Variants in JAZF1 observed in about 807,000 individuals in gnomAD.
JAZF1 encodes the protein juxtaposed with another zinc finger protein 1.
In JAZF1, 8 loss-of-function variants were observed where a neutral mutation model predicts 26.4. The ratio of observed to expected loss-of-function variants is 0.30; its 90% CI spans 0.18 to 0.55. The LOEUF is 0.55. JAZF1 is among the 20% of genes least tolerant of loss of function. The pLI is 0.94. For missense variants in JAZF1, 199 were observed against 322.0 expected, an observed-to-expected ratio of 0.62 and a Z score of 2.92; for synonymous variants, 126 against 122.3, an observed-to-expected ratio of 1.03 and a Z score of -0.20.
chr7:27,956,780 C>T (rs1428210391), intron 2 of JAZF1, among the ~76,000 whole-genome samples: 2 of 152,168 alleles, frequency 1.3e-5, no homozygotes, highest in African/African-American at 4.8e-5. Context: ...CCAGTCCGGG[C>T]TGCTGAGGAC....
intron 1 of JAZF1, among the ~76,000 whole-genome samples, chr7:28,076,709 CA>C (rs34918786): frequency 0.11 from 10,831 of 97,434 alleles, 843 homozygotes; most frequent in East Asian, 0.3. Context: ...TTCTCTCTCT[CA>C]AAAAAAAAAA....
rs1784310777 is a variant in JAZF1 at position 28,092,290 on chromosome 7, C to CCAAAAAAAAAAAAAAAAAA, written c.115+88172_115+88173insTTTTTTTTTTTTTTTTTTG. 5.5e-4 allele frequency among the ~76,000 whole-genome samples: 7 copies of CCAAAAAAAAAAAAAAAAAA among 12,802 alleles called. 1 individual carries two copies. Among genetic ancestry groups the CCAAAAAAAAAAAAAAAAAA allele is most frequent in the African/African-American group, 1.5e-3 (7 of 4,646 alleles). The allele number at this position is 12,802 out of a possible 152,430, so 8.4% of individuals were successfully genotyped here. A position where few individuals can be genotyped will look rare whatever the true frequency, so the allele number is the denominator to read the frequency against. On this transcript the variant is annotated intron_variant, in intron 1 of 4. Coordinates refer to ENST00000283928, the MANE Select transcript of JAZF1 (RefSeq NM_175061.4). The stretch of plus-strand genomic sequence containing the variant: ...AACATCCCATTTCAGGGACAAAAGG[C>CCAAAAAAAAAAAAAAAAAA]AAAAAAAAAAAAAAAAAAAAAAAAA...
intron 3 of JAZF1, among the ~76,000 whole-genome samples, chr7:27,851,807 C>T (rs1385446154): frequency 4.6e-5 from 7 of 152,170 alleles, no homozygotes; most frequent in African/African-American, 1.4e-4. Context: ...TTCATAATTT[C>T]CATATTAGCT....
intron 3 of JAZF1, among the ~76,000 whole-genome samples, chr7:27,857,512 C>T (rs1783291663): frequency 6.6e-6 from 1 of 152,260 alleles, no homozygotes; most frequent in Non-Finnish European, 1.5e-5. Context: ...GGCGCCAAGG[C>T]TGAGGAGGCG....
chr7:28,005,376 C>A (rs55712772), intron 1 of JAZF1, among the ~76,000 whole-genome samples: 19,578 of 150,706 alleles, frequency 0.13, 1,671 homozygotes, highest in Middle Eastern at 0.18. Context: ...GAATTGCCTT[C>A]GTTACTTCCT....
chr7:27,962,969 C>T (rs928890746), intron 2 of JAZF1, among the ~76,000 whole-genome samples: 1 of 152,086 alleles, frequency 6.6e-6, no homozygotes, highest in Non-Finnish European at 1.5e-5. Context: ...ACCCACTATC[C>T]CTCCTTTTAA....
intron 2 of JAZF1, among the ~76,000 whole-genome samples, chr7:27,959,482 C>T (rs1332107730): frequency 6.6e-6 from 1 of 152,150 alleles, no homozygotes; most frequent in Admixed American, 6.6e-5. Flanking sequence ...TTTAAGTTTC[C>T]ATGTTTGTCA....
chr7:28,016,134 C>T (rs888184844), intron 1 of JAZF1, among the ~76,000 whole-genome samples: 3 of 152,160 alleles, frequency 2.0e-5, no homozygotes, highest in Non-Finnish European at 2.9e-5. Context: ...TTGGCCATTT[C>T]CCTCTGCCTT....
At chr7:28,037,374 C>G (rs1783312028) in intron 1 of JAZF1, among the ~76,000 whole-genome samples, 1 of 152,162 alleles carries the variant, frequency 6.6e-6, no homozygotes, top group Non-Finnish European at 1.5e-5. Context: ...CATGATTCAT[C>G]TGTGTAGTAT....
intron 3 of JAZF1, among the ~76,000 whole-genome samples, chr7:27,847,600 C>T (rs920522277): frequency 3.3e-5 from 5 of 152,292 alleles, no homozygotes; most frequent in African/African-American, 1.2e-4. Flanking sequence ...CATGTGGGCT[C>T]TCTCTTCTGT....
chr7:27,994,666 T>G (rs972154687), intron 1 of JAZF1, among the ~76,000 whole-genome samples: 1 of 152,174 alleles, frequency 6.6e-6, no homozygotes, highest in Non-Finnish European at 1.5e-5. Context: ...TAAAATGAAA[T>G]TAGGCACTTG....
At chr7:28,118,716 G>C (rs67601136) in intron 1 of JAZF1, among the ~76,000 whole-genome samples, 18,727 of 151,510 alleles carry the variant, frequency 0.12, 2,130 homozygotes, top group African/African-American at 0.3. Flanking sequence ...TCTGTCATTT[G>C]AGGTTGTAAG....
intron 2 of JAZF1, among the ~76,000 whole-genome samples, chr7:27,908,901 T>C (rs1160173145): frequency 6.6e-6 from 1 of 152,262 alleles, no homozygotes; most frequent in East Asian, 1.9e-4. Flanking sequence ...TGTAATTTTG[T>C]CTATTGACAA....
chr7:27,855,932 G>A (rs924902849), intron 3 of JAZF1, among the ~76,000 whole-genome samples: 16 of 152,156 alleles, frequency 1.1e-4, no homozygotes, highest in South Asian at 4.1e-4. Flanking sequence ...TCAGGCCAAC[G>A]TCCCTGTTGA....
At chr7:27,849,104 C>T (rs1486957279) in intron 3 of JAZF1, among the ~76,000 whole-genome samples, 1 of 152,132 alleles carries the variant, frequency 6.6e-6, no homozygotes, top group Non-Finnish European at 1.5e-5. Flanking sequence ...ATTTGTGTTC[C>T]TTTGATTTAT....
chr7:27,868,435 C>T (rs748882826), intron 3 of JAZF1, among the ~76,000 whole-genome samples: 2 of 152,194 alleles, frequency 1.3e-5, no homozygotes, highest in Non-Finnish European at 2.9e-5. Flanking sequence ...CAGATTCCTC[C>T]GCCCCTGCAT....
chr7:27,956,718 A>T (rs1438649492), intron 2 of JAZF1, among the ~76,000 whole-genome samples: 3 of 152,140 alleles, frequency 2.0e-5, no homozygotes, highest in Non-Finnish European at 4.4e-5. Context: ...CAAAAGGAGG[A>T]TGGGGTGAAA....
At chr7:27,956,004 T>G (rs1785082574) in intron 2 of JAZF1, among the ~76,000 whole-genome samples, 2 of 152,176 alleles carry the variant, frequency 1.3e-5, no homozygotes, top group African/African-American at 4.8e-5. Flanking sequence ...TGGGGCAACT[T>G]GACTTTCTTC....
chr7:27,851,099 C>A (rs1006028988), intron 3 of JAZF1, among the ~76,000 whole-genome samples: 31 of 152,080 alleles, frequency 2.0e-4, no homozygotes, highest in Non-Finnish European at 3.2e-4. Flanking sequence ...CCGGCCACCA[C>A]GCCTGGCTAG....
Sources: allele counts gnomAD v4.1 joint callset (sites outside exome capture counted in the v4.1 genomes callset), GRCh38; gene constraint gnomAD v4.1.1; transcripts MANE v1.5; gene names NCBI Gene and HGNC (gene_info 2026-07-23, HGNC 2026-07-21).